ESRRG: variants seen among roughly 807,000 people sequenced by gnomAD.
ESRRG encodes estrogen related receptor gamma, also known as estrogen-related receptor gamma.
A neutral mutation model predicts 44.0 loss-of-function variants in ESRRG; 13 were observed. The ratio of observed to expected loss-of-function variants is 0.30; its 90% CI spans 0.19 to 0.47. The LOEUF (loss-of-function observed/expected upper bound fraction) is 0.47, where lower values mean the gene tolerates loss of function less well. Among genes scored for constraint, ESRRG ranks in the 20% least tolerant of loss-of-function variants. ESRRG has a pLI of 1.00. For missense variants in ESRRG, 395 were observed against 580.6 expected, an observed-to-expected ratio of 0.68 and a Z score of 3.29; for synonymous variants, 215 against 214.6, an observed-to-expected ratio of 1.00 and a Z score of -0.02.
At chr1:217,035,655 A>G (rs1396074786) in intron 1 of ESRRG, among the ~76,000 whole-genome samples, 1 of 150,986 alleles carries the variant, frequency 6.6e-6, no homozygotes, top group African/African-American at 2.4e-5. Flanking sequence ...AAACTTTAAT[A>G]AAGTAAAAAC....
intron 2 of ESRRG, among the ~76,000 whole-genome samples, chr1:216,764,904 G>T (rs1483237966): frequency 6.6e-6 from 1 of 152,062 alleles, no homozygotes; most frequent in Non-Finnish European, 1.5e-5. Flanking sequence ...AGTGAGAGGG[G>T]TGGGTGGAGT....
rs777990412 is a variant in ESRRG, at chr1:217,109,749, G to GA, written c.-230+27917dup. 8.1e-4 allele frequency among the ~76,000 whole-genome samples: 124 copies of GA among 152,222 alleles called. 1 individual carries two copies. In the Middle Eastern group the frequency reaches 0.014, roughly 17 times the overall value. ...AAATCTCAAGGCATCCAATAGTCAAGAAAAAATCTGGGGAATGACATAGGT... is the reference window on the plus strand; with the variant it reads ...AAATCTCAAGGCATCCAATAGTCAAGAAAAAAATCTGGGGAATGACATAGGT... On this transcript the variant is annotated intron_variant, in intron 1 of 8. Transcript: ENST00000366940.
At chr1:216,810,032 A>G (rs993813391) in intron 2 of ESRRG, among the ~76,000 whole-genome samples, 1 of 152,174 alleles carries the variant, frequency 6.6e-6, no homozygotes, top group Non-Finnish European at 1.5e-5. Context: ...AAAAAAGGAC[A>G]GTTCAGTTCA....
chr1:217,034,179 A>G (rs1397257335), intron 1 of ESRRG, among the ~76,000 whole-genome samples: 1 of 152,204 alleles, frequency 6.6e-6, no homozygotes, highest in Admixed American at 6.5e-5. Flanking sequence ...CTATAATTTA[A>G]TAGGCATTTA....
intron 2 of ESRRG, among the ~76,000 whole-genome samples, chr1:216,833,424 A>G (rs1277341553): frequency 6.6e-6 from 1 of 152,212 alleles, no homozygotes; most frequent in East Asian, 1.9e-4. Flanking sequence ...TTCCTGGGCT[A>G]TCTGTACTAA....
chr1:216,998,040 G>A (rs2076583720), intron 1 of ESRRG, among the ~76,000 whole-genome samples: 1 of 152,090 alleles, frequency 6.6e-6, no homozygotes, highest in Non-Finnish European at 1.5e-5. Context: ...GTTTCCTAAG[G>A]ATTGATCCAC....
intron 4 of ESRRG, 111 bp from the exon 5 acceptor site, chr1:216,564,491 G>A (rs564894509): frequency 6.4e-6 from 5 of 783,650 alleles, no homozygotes; most frequent in Non-Finnish European, 9.6e-6. Context: ...TACAATAAAC[G>A]CTAAATATTC....
chr1:216,965,245 C>G (rs1157786477), intron 1 of ESRRG, among the ~76,000 whole-genome samples: 1 of 152,114 alleles, frequency 6.6e-6, no homozygotes, highest in East Asian at 1.9e-4. Flanking sequence ...TCCAAACCAT[C>G]CCAACCTGAA....
chr1:216,520,938 A>G (rs1164288713), intron 5 of ESRRG, among the ~76,000 whole-genome samples: 1 of 152,190 alleles, frequency 6.6e-6, no homozygotes, highest in Non-Finnish European at 1.5e-5. Flanking sequence ...CACAGTAAAG[A>G]AAAGGAAAGG....
At chr1:217,051,211 G>T (rs1017597411) in intron 1 of ESRRG, among the ~76,000 whole-genome samples, 1 of 124,352 alleles carries the variant, frequency 8.0e-6, no homozygotes, top group Non-Finnish European at 1.7e-5. Context: ...GGGCGGGGGG[G>T]GGGGGTGCCA....
intron 2 of ESRRG, among the ~76,000 whole-genome samples, chr1:216,838,006 G>A (rs1027046831): frequency 2.6e-5 from 4 of 152,182 alleles, no homozygotes; most frequent in African/African-American, 9.7e-5. Flanking sequence ...AGGTTTGGGA[G>A]ATGAGCTTTT....
chr1:217,040,094 C>A (rs994907881), intron 1 of ESRRG, among the ~76,000 whole-genome samples: 1 of 152,178 alleles, frequency 6.6e-6, no homozygotes, highest in Non-Finnish European at 1.5e-5. Context: ...ATTATTTTAA[C>A]GCAGTGATAT....
chr1:216,685,052 C>G (rs1338146655), intron 1 of ESRRG, among the ~76,000 whole-genome samples: 8 of 152,116 alleles, frequency 5.3e-5, no homozygotes, highest in African/African-American at 1.7e-4. Flanking sequence ...GAAAATATTT[C>G]TTACTTTACA....
intron 1 of ESRRG, among the ~76,000 whole-genome samples, chr1:217,018,670 A>C (rs551945253): frequency 6.6e-6 from 1 of 152,200 alleles, no homozygotes; most frequent in Non-Finnish European, 1.5e-5. Context: ...TTTTGCTCAC[A>C]CCATCCCTTC....
At chr1:216,890,646 C>A (rs1276584424) in intron 2 of ESRRG, among the ~76,000 whole-genome samples, 3 of 152,126 alleles carry the variant, frequency 2.0e-5, no homozygotes, top group African/African-American at 7.2e-5. Context: ...TAAACTCAGC[C>A]AAATACATCC....
chr1:216,844,459 T>C (rs928001066), intron 2 of ESRRG, among the ~76,000 whole-genome samples: 3 of 151,990 alleles, frequency 2.0e-5, no homozygotes, highest in African/African-American at 7.2e-5. Flanking sequence ...GTCTAAAAGG[T>C]CCTACGTGCT....
chr1:216,982,017 G>A (rs1043507574), intron 1 of ESRRG, among the ~76,000 whole-genome samples: 9 of 152,144 alleles, frequency 5.9e-5, no homozygotes, highest in African/African-American at 1.9e-4. Context: ...TCGCTGCTTC[G>A]TGCATTTTCA....
At chr1:216,664,491 C>T (rs1159963492) in intron 2 of ESRRG, among the ~76,000 whole-genome samples, 2 of 150,144 alleles carry the variant, frequency 1.3e-5, no homozygotes, top group Admixed American at 6.7e-5. Flanking sequence ...TTAACAAATT[C>T]TTCACCTAAA....
At chr1:216,752,991 C>T (rs2092165394) in intron 2 of ESRRG, among the ~76,000 whole-genome samples, 1 of 151,730 alleles carries the variant, frequency 6.6e-6, no homozygotes. Flanking sequence ...TAAAAGTTAT[C>T]AAAATAAAAG....
Sources: gnomAD v4.1 joint callset for allele counts (sites outside exome capture counted in the v4.1 genomes callset) on GRCh38, gnomAD v4.1.1 for gene constraint, MANE v1.5 for transcripts, NCBI Gene and HGNC (gene_info 2026-07-23, HGNC 2026-07-21) for gene names.